The following AXL variants were observed in gnomAD, a reference collection of about 807,000 sequenced individuals.
AXL encodes tyrosine-protein kinase receptor UFO.
In AXL, 52 loss-of-function variants were observed where a neutral mutation model predicts 104.5. That is an observed-to-expected ratio of 0.50 (90% confidence interval 0.40 to 0.63). AXL has a LOEUF of 0.63. Ranked by LOEUF, AXL falls within the 20% of genes least tolerant of loss-of-function variation. The probability of loss-of-function intolerance (pLI) is 0.00; values close to 1 mark genes in which losing one functional copy is unlikely to be tolerated. For synonymous variants in AXL, 455 were observed against 473.7 expected, an observed-to-expected ratio of 0.96 and a Z score of 0.51; for missense variants, 1,024 against 1,188.5, an observed-to-expected ratio of 0.86 and a Z score of 2.04.
rs199988157 is a variant in AXL, at chr19:41,238,044, G to C, written c.884G>C (p.Arg295Pro). ...GCATCCGTGCCCCCCCATCAGCTTCGGCTAGGCAGCCTCCATCCTCACACC... is the reference window on the plus strand; with the variant it reads ...GCATCCGTGCCCCCCCATCAGCTTCCGCTAGGCAGCCTCCATCCTCACACC... ...SQASVPPHQL[R>P]LGSLHPHTPY... The change falls in exon 7 of 20, where the codon CGG becomes CCG. Residue 295 changes from arginine (R) to proline (P), a missense_variant. Physicochemically the swap from Arg to Pro is moderately radical, Grantham distance 103. Around this residue, in one of 5 missense-constraint regions of AXL, gnomAD observed 332 missense variants for 343.9 expected, o/e 0.97. Coordinates refer to ENST00000301178, the MANE Select transcript of AXL (RefSeq NM_021913.5). The C allele has an allele frequency of 6.2e-7, 1 of 1,613,270 alleles. No homozygotes were observed. Among genetic ancestry groups the C allele is most frequent in the Non-Finnish European group, 8.5e-7 (1 of 1,179,820 alleles).
chr19:41,243,301 T>A (rs2034215529), intron 11 of AXL, among the ~76,000 whole-genome samples: 1 of 152,160 alleles, frequency 6.6e-6, no homozygotes, highest in Non-Finnish European at 1.5e-5. Flanking sequence ...ACGCCTGTGG[T>A]CCCAGCTACT....
At chr19:41,238,761 G>A in intron 8 of AXL, 152 bp downstream of exon 8, 1 of 1,237,684 alleles carries the variant, frequency 8.1e-7, no homozygotes, top group South Asian at 1.7e-5. Context: ...TTCACATTCT[G>A]GGGAGAATAA....
At chr19:41,227,078 A>AT (rs976318957) in intron 4 of AXL, among the ~76,000 whole-genome samples, 6 of 152,126 alleles carry the variant, frequency 3.9e-5, no homozygotes, top group African/African-American at 1.4e-4. Context: ...AGCCTGGGAG[A>AT]TAGAGCAAGA....
In AXL at chr19:41,231,302, A is replaced by G; in HGVS notation, c.783+4A>G. 1 of 1,608,748 alleles carries G rather than the reference A, an allele frequency of 6.2e-7. No homozygotes were observed. Among genetic ancestry groups the G allele is most frequent in the Non-Finnish European group, 8.5e-7 (1 of 1,176,674 alleles). ...CCTGACCCACTGCACCCTGCAGGTG[A>G]GACTCCCAAACTTGGTTCATTTCAG... On this transcript the variant is annotated splice_donor_region_variant and intron_variant, in intron 6 of 19. Coordinates refer to ENST00000301178, the MANE Select transcript of AXL (RefSeq NM_021913.5).
intron 6 of AXL, among the ~76,000 whole-genome samples, chr19:41,237,318 C>A (rs2034096985): frequency 6.6e-6 from 1 of 152,214 alleles, no homozygotes; most frequent in African/African-American, 2.4e-5. Context: ...TCTTAGCTCA[C>A]TGTAACCTCT....
intron 11 of AXL, 144 bp from the exon 12 acceptor site, chr19:41,243,472 G>A (rs190211338): frequency 2.8e-5 from 20 of 724,862 alleles, no homozygotes; most frequent in Non-Finnish European, 4.8e-5. Context: ...AAGGCAGAAG[G>A]TAGCTGCCCA....
At position 41,219,347 on chromosome 19, in the gene AXL, C is replaced by A; in HGVS notation, c.-46C>A. On this transcript the variant is annotated 5_prime_UTR_variant, in exon 1 of 20. Coordinates refer to ENST00000301178, the MANE Select transcript of AXL (RefSeq NM_021913.5). Reference sequence around the variant, plus strand: ...GCCGGGGACAGCCCGGCCCTGCCCCCTCCCCCGCTGGGAGCCCAACAACTT... The same window carrying A: ...GCCGGGGACAGCCCGGCCCTGCCCCATCCCCCGCTGGGAGCCCAACAACTT... 2.6e-6 allele frequency: 4 copies of A among 1,541,370 alleles called. No individual in the cohort carries two copies. The highest frequency in any genetic ancestry group is 3.5e-6 in the Non-Finnish European group (4 of 1,139,696).
At chr19:41,256,095 G>GTGTA (rs1353400594) in intron 17 of AXL, among the ~76,000 whole-genome samples, 4 of 152,048 alleles carry the variant, frequency 2.6e-5, no homozygotes, top group East Asian at 1.9e-4. Flanking sequence ...GTGTGTGTGT[G>GTGTA]TGTGTGAAAA....
At chr19:41,229,612 T>G (rs2033941271) in intron 4 of AXL, among the ~76,000 whole-genome samples, 1 of 152,062 alleles carries the variant, frequency 6.6e-6, no homozygotes. Context: ...CTGAGAGGTG[T>G]TGTTGAGGAA....
chr19:41,254,376 C>CAAAAAAA (rs34633761), intron 17 of AXL, among the ~76,000 whole-genome samples: 1 of 81,172 alleles, frequency 1.2e-5, no homozygotes. Context: ...GACTCTGTCT[C>CAAAAAAA]AAAAAAAAAA....
chr19:41,257,773 C>A, intron 19 of AXL, 144 bp downstream of exon 19: 1 of 1,061,020 alleles, frequency 9.4e-7, no homozygotes, highest in Non-Finnish European at 1.4e-6. Flanking sequence ...CTCACCAATG[C>A]TCTGAGTAGG....
At position 41,219,453 on chromosome 19, in the gene AXL, G is replaced by A. The variant is rs778406577; in HGVS notation, c.61G>A (p.Gly21Ser). 28 of 1,606,662 alleles carry A rather than the reference G, an allele frequency of 1.7e-5. No individual in the cohort carries two copies. The highest frequency in any genetic ancestry group is 1.6e-4 in the South Asian group (14 of 89,630). The change falls in exon 1 of 20, where the codon GGC (glycine) becomes AGC (serine). Residue 21 changes from glycine (G) to serine (S), a missense_variant. Gly to Ser is a moderately conservative substitution (Grantham distance 56, BLOSUM62 0). Coordinates refer to ENST00000301178, the MANE Select transcript of AXL (RefSeq NM_021913.5). ...GCTGGCCTGGTGCTTGGCGCTGTGCGGCTGGGCGTGCATGGCCCCCAGGGG... is the reference window on the plus strand; with the variant it reads ...GCTGGCCTGGTGCTTGGCGCTGTGCAGCTGGGCGTGCATGGCCCCCAGGGG... ...VPLAWCLALC[G>S]WACMAPRGTQ...
chr19:41,238,535 C>T lies in AXL; in HGVS notation c.1060C>T (p.Gln354Ter). ...TGGGAGCCAGGCCTTCGTGCATTGGCAAGAGCCCCGGGCGCCCCTGCAGGG... is the reference window on the plus strand; with the variant it reads ...TGGGAGCCAGGCCTTCGTGCATTGGTAAGAGCCCCGGGCGCCCCTGCAGGG... ...RNGSQAFVHW[Q>*]EPRAPLQGTL... is the part of the protein sequence containing the mutation. Residue 354 changes from glutamine (Q) to a stop codon, truncating the protein, a stop_gained, in exon 8 of 20, where the codon CAA becomes TAA. Coordinates refer to ENST00000301178, the MANE Select transcript of AXL (RefSeq NM_021913.5). LOFTEE classifies it high-confidence loss of function. The T allele has an allele frequency of 6.2e-7, 1 of 1,614,030 alleles. No individual in the cohort carries two copies. Among genetic ancestry groups the T allele is most frequent in the Non-Finnish European group, 8.5e-7 (1 of 1,179,938 alleles).
chr19:41,231,108 G>A, intron 5 of AXL, 61 bp downstream of exon 5: 1 of 1,611,760 alleles, frequency 6.2e-7, no homozygotes, highest in Non-Finnish European at 8.5e-7. Flanking sequence ...TCCGGGGTCA[G>A]AGTGGGGGCA....
rs767129065 is a variant in AXL at position 41,259,897 on chromosome 19, G to A, written c.2678G>A (p.Gly893Asp). The A allele has an allele frequency of 6.4e-7, 1 of 1,569,620 alleles. No individual in the cohort carries two copies. Among genetic ancestry groups the A allele is most frequent in the East Asian group, 2.3e-5 (1 of 44,366 alleles). Residue 893 changes from glycine to aspartate, a missense_variant, in exon 20 of 20, where the codon GGT becomes GAT. Around this residue, in one of 5 missense-constraint regions of AXL, gnomAD observed 523 missense variants for 636.0 expected, o/e 0.82. Transcript: ENST00000301178. Reference sequence around the variant, plus strand: ...CCAGCAGCCCCAGGGCAGGAGGATGGTGCCTGAGACAACCCTCCACCTGGT... The same window carrying A: ...CCAGCAGCCCCAGGGCAGGAGGATGATGCCTGAGACAACCCTCCACCTGGT... ...GSPAAPGQED[G>D]A
At chr19:41,255,410 C>G (rs2034437690) in intron 17 of AXL, among the ~76,000 whole-genome samples, 1 of 149,248 alleles carries the variant, frequency 6.7e-6, no homozygotes, top group Non-Finnish European at 1.5e-5. Context: ...CCCTCCCTCC[C>G]TCTCTCTTTC....
At position 41,257,642 on chromosome 19, in the gene AXL, A is replaced by G; in HGVS notation, c.2333+13A>G. The stretch of plus-strand genomic sequence containing the variant: ...GTCTGGATGGACTGTGAGGACCCTT[A>G]GGTCTCCCCCAACCCAGAATTCATT... On this transcript the variant is annotated intron_variant, in intron 19 of 19. Coordinates refer to ENST00000301178, the MANE Select transcript of AXL (RefSeq NM_021913.5). The G allele has an allele frequency of 1.2e-6, 2 of 1,614,004 alleles. No individual in the cohort carries two copies. Among genetic ancestry groups the G allele is most frequent in the Non-Finnish European group, 1.7e-6 (2 of 1,179,924 alleles).
intron 6 of AXL, among the ~76,000 whole-genome samples, chr19:41,236,492 A>G (rs1207290497): frequency 6.6e-6 from 1 of 151,410 alleles, no homozygotes; most frequent in African/African-American, 2.4e-5. Context: ...ATGAAATGAG[A>G]CTCATAGGCC....
At chr19:41,224,744 A>G (rs1176920070) in intron 4 of AXL, among the ~76,000 whole-genome samples, 1 of 151,866 alleles carries the variant, frequency 6.6e-6, no homozygotes, top group Non-Finnish European at 1.5e-5. Context: ...GTGTGTGTAT[A>G]TGTCACAGGG....
Sources: allele counts gnomAD v4.1 joint callset (sites outside exome capture counted in the v4.1 genomes callset), GRCh38; gene constraint gnomAD v4.1.1; regional missense constraint gnomAD v4.1.1; transcripts MANE v1.5; gene names NCBI Gene and HGNC (gene_info 2026-07-23, HGNC 2026-07-21).